Variants in DLGAP2 observed in about 807,000 individuals in gnomAD.
The protein encoded by DLGAP2 is DLG associated protein 2.
In DLGAP2, 26 loss-of-function variants were observed where a neutral mutation model predicts 100.3. That is an observed-to-expected ratio of 0.26 (90% CI 0.19 to 0.36). DLGAP2 has a LOEUF of 0.36. DLGAP2 is among the 10% of genes least tolerant of loss of function. The pLI is 1.00. For synonymous variants in DLGAP2, 886 were observed against 630.1 expected (o/e 1.41, Z -6.08); for missense variants, 1,858 against 1,453.2 (o/e 1.28, Z -4.53).
chr8:1,184,182 C>G (rs1797450860), intron 2 of DLGAP2, among the ~76,000 whole-genome samples: 2 of 152,202 alleles, frequency 1.3e-5, no homozygotes, highest in Admixed American at 6.5e-5. Context: ...ATGCCTCATT[C>G]TAAAACCATA....
chr8:919,069 G>T (rs1192411112), intron 2 of DLGAP2, among the ~76,000 whole-genome samples: 1 of 152,172 alleles, frequency 6.6e-6, no homozygotes, highest in African/African-American at 2.4e-5. Context: ...GCCTCCCAAA[G>T]TGCATGGATT....
intron 3 of DLGAP2, among the ~76,000 whole-genome samples, chr8:1,418,606 A>G (rs28706510): frequency 0.53 from 79,840 of 151,996 alleles, 21,672 homozygotes; most frequent in East Asian, 0.9. Flanking sequence ...ATAAAAGGGA[A>G]AAAAGTGTTT....
chr8:1,422,810 C>T (rs1485506779), intron 3 of DLGAP2, among the ~76,000 whole-genome samples: 2 of 152,086 alleles, frequency 1.3e-5, no homozygotes, highest in Admixed American at 1.3e-4. Flanking sequence ...AGTGTTTCAT[C>T]CACAAGCAGT....
chr8:1,361,831 G>A (rs576797829), intron 3 of DLGAP2, among the ~76,000 whole-genome samples: 8 of 152,306 alleles, frequency 5.3e-5, no homozygotes, highest in East Asian at 3.9e-4. Context: ...AAACGTGCTC[G>A]CGGCGTCTTC....
chr8:1,506,486 G>A (rs1380162579), intron 4 of DLGAP2, among the ~76,000 whole-genome samples: 1 of 152,164 alleles, frequency 6.6e-6, no homozygotes, highest in Non-Finnish European at 1.5e-5. Context: ...TGAAGCTGCA[G>A]ATCTTCGCGG....
intron 3 of DLGAP2, among the ~76,000 whole-genome samples, chr8:1,356,922 A>G (rs1801866698): frequency 6.6e-6 from 1 of 152,200 alleles, no homozygotes; most frequent in African/African-American, 2.4e-5. Context: ...GCCCGTGTCT[A>G]CAGCGCACGT....
rs1018343404 is a variant in DLGAP2 at position 1,697,144 on chromosome 8, C to T, written c.2797-3C>T. On this transcript the variant is annotated splice_polypyrimidine_tract_variant and splice_region_variant and intron_variant, in intron 13 of 14. Coordinates refer to ENST00000637795, the MANE Select transcript of DLGAP2 (RefSeq NM_001346810.2). ...GCTCTGAACACCCTGTGTGTGTCCC[C>T]AGGACCCCAGCGCCATGCCGAGGCC... 1 of 1,568,784 alleles carries T rather than the reference C, an allele frequency of 6.4e-7. No homozygotes were observed. The highest frequency in any genetic ancestry group is 8.6e-7 in the Non-Finnish European group (1 of 1,156,224).
intron 1 of DLGAP2, among the ~76,000 whole-genome samples, chr8:861,809 T>G (rs1361015686): frequency 3.3e-5 from 5 of 152,224 alleles, no homozygotes; most frequent in Admixed American, 2.6e-4. Context: ...CCGGTGGAAA[T>G]GTGTTTGCTG....
intron 3 of DLGAP2, among the ~76,000 whole-genome samples, chr8:1,353,351 C>A (rs1185940047): frequency 2.6e-5 from 4 of 152,312 alleles, no homozygotes; most frequent in African/African-American, 7.2e-5. Flanking sequence ...AATGCACATT[C>A]ATTAGAAACT....
At chr8:928,861 G>A (rs1798877683) in intron 2 of DLGAP2, among the ~76,000 whole-genome samples, 1 of 152,016 alleles carries the variant, frequency 6.6e-6, no homozygotes, top group South Asian at 2.1e-4. Flanking sequence ...GGCCGTAAGT[G>A]GGTGGTCTGG....
chr8:1,187,135 G>A (rs1416396143), intron 2 of DLGAP2, among the ~76,000 whole-genome samples: 6 of 152,234 alleles, frequency 3.9e-5, no homozygotes, highest in Non-Finnish European at 8.8e-5. Context: ...AATAGCACTG[G>A]CTACATATTG....
intron 4 of DLGAP2, among the ~76,000 whole-genome samples, chr8:1,532,368 C>T (rs1413135494): frequency 6.6e-6 from 1 of 152,092 alleles, no homozygotes; most frequent in East Asian, 1.9e-4. Flanking sequence ...TTTGTATTTG[C>T]AAATCAAATT....
intron 2 of DLGAP2, among the ~76,000 whole-genome samples, chr8:1,164,630 G>C (rs1391927869): frequency 1.3e-5 from 2 of 151,988 alleles, no homozygotes; most frequent in African/African-American, 2.4e-5. Flanking sequence ...GCCATGCTCA[G>C]AACCGCCAGG....
chr8:1,139,771 T>A (rs1796489042), intron 2 of DLGAP2, among the ~76,000 whole-genome samples: 1 of 152,126 alleles, frequency 6.6e-6, no homozygotes, highest in African/African-American at 2.4e-5. Flanking sequence ...GGCACAGGGT[T>A]TGGGGTCTGA....
At chr8:1,217,919 C>G (rs1436462336) in intron 2 of DLGAP2, among the ~76,000 whole-genome samples, 1 of 151,962 alleles carries the variant, frequency 6.6e-6, no homozygotes, top group Non-Finnish European at 1.5e-5. Flanking sequence ...TGAGAAGTGT[C>G]CATGTCCTTT....
chr8:1,151,261 A>G (rs1796691977), intron 2 of DLGAP2, among the ~76,000 whole-genome samples: 1 of 152,194 alleles, frequency 6.6e-6, no homozygotes, highest in Non-Finnish European at 1.5e-5. Context: ...CATAGGAGAA[A>G]AGTCATACAC....
In DLGAP2 at chr8:1,569,357, G is replaced by A. The variant is rs547946483; in HGVS notation, c.1442+3463G>A. ...ATTCTTTTTCCCTAAATCTGACGCC[G>A]TGTTGTAGATAATAAAGCAGAGAAA... On this transcript the variant is annotated intron_variant, in intron 6 of 14. Transcript: ENST00000637795. Among the ~76,000 whole-genome samples the A allele has an allele frequency of 6.5e-4, 99 of 152,346 alleles. 1 individual carries two copies. In the South Asian group the frequency reaches 0.017, roughly 25 times the overall value.
At chr8:1,165,119 T>C (rs1346555850) in intron 2 of DLGAP2, among the ~76,000 whole-genome samples, 1 of 138,496 alleles carries the variant, frequency 7.2e-6, no homozygotes, top group East Asian at 2.2e-4. Context: ...GCACTTCTGC[T>C]GCCAGATAGA....
At chr8:853,503 G>C (rs1025614551) in intron 1 of DLGAP2, among the ~76,000 whole-genome samples, 1 of 152,178 alleles carries the variant, frequency 6.6e-6, no homozygotes, top group African/African-American at 2.4e-5. Flanking sequence ...ATCAGTTAGG[G>C]AATGATGGGG....
Sources: allele counts gnomAD v4.1 joint callset (sites outside exome capture counted in the v4.1 genomes callset), GRCh38; gene constraint gnomAD v4.1.1; transcripts MANE v1.5; gene names NCBI Gene and HGNC (gene_info 2026-07-23, HGNC 2026-07-21).